Variants in METTL24 observed in about 807,000 individuals in gnomAD.
METTL24 encodes methyltransferase like 24.
A neutral mutation model predicts 32.7 loss-of-function variants in METTL24; 29 were observed. The observed-to-expected ratio is 0.89, with a 90% CI of 0.66 to 1.21. The LOEUF (loss-of-function observed/expected upper bound fraction) is 1.21, where lower values mean the gene tolerates loss of function less well. Ranked by LOEUF, METTL24 falls within the 50% of genes most tolerant of loss-of-function variation. The pLI is 0.00. For missense variants in METTL24, 439 were observed against 468.1 expected, an observed-to-expected ratio of 0.94 and a Z score of 0.57; for synonymous variants, 163 against 179.5, an observed-to-expected ratio of 0.91 and a Z score of 0.73.
intron 4 of METTL24, among the ~76,000 whole-genome samples, chr6:110,272,956 G>A (rs929999842): frequency 1.3e-5 from 2 of 151,754 alleles, no homozygotes; most frequent in Non-Finnish European, 2.9e-5. Flanking sequence ...TGTGCAGAAG[G>A]GTTTTAGTTT....
intron 4 of METTL24, among the ~76,000 whole-genome samples, chr6:110,295,264 G>A (rs1264342022): frequency 2.0e-5 from 3 of 152,054 alleles, no homozygotes; most frequent in African/African-American, 7.2e-5. Context: ...CCCCAGCTGT[G>A]TAATTTAATT....
chr6:110,292,885 C>T (rs114094993), intron 4 of METTL24, among the ~76,000 whole-genome samples: 2,825 of 151,930 alleles, frequency 0.019, 80 homozygotes, highest in African/African-American at 0.065. Flanking sequence ...TGAGATAGTG[C>T]CTTTATCATA....
At chr6:110,292,856 C>T (rs1455418886) in intron 4 of METTL24, among the ~76,000 whole-genome samples, 1 of 151,968 alleles carries the variant, frequency 6.6e-6, no homozygotes, top group East Asian at 1.9e-4. Context: ...ACTGACACAT[C>T]CATCTTTTCT....
chr6:110,252,150 C>T (rs1217712287), intron 4 of METTL24, among the ~76,000 whole-genome samples: 1 of 151,924 alleles, frequency 6.6e-6, no homozygotes, highest in African/African-American at 2.4e-5. Flanking sequence ...CCTTAAAAAA[C>T]AAAACAAAAA....
rs1245534536 is a variant in METTL24, at chr6:110,245,987, T to A, written c.1060A>T (p.Ser354Cys). Residue 354 changes from serine (S) to cysteine (C), a missense_variant, in exon 5 of 5, where the codon AGC becomes TGC. By Grantham distance (112) the Ser-to-Cys change is moderately radical. Coordinates refer to ENST00000338882, the MANE Select transcript of METTL24 (RefSeq NM_001123364.3). ...FLKKDIFNASSCYTLSWVNTR... is the reference protein window; with the variant it reads ...FLKKDIFNASCCYTLSWVNTR... ...TTCACCCAACTCAGAGTATAACAGC[T>A]ACTTGCATTGAAAATGTCTTTCTTC... The A allele has an allele frequency of 6.2e-7, 1 of 1,614,162 alleles. No homozygotes were observed. Among genetic ancestry groups the A allele is most frequent in the Non-Finnish European group, 8.5e-7 (1 of 1,180,016 alleles).
chr6:110,321,536 A>G (rs1175948363), intron 2 of METTL24, among the ~76,000 whole-genome samples: 1 of 152,226 alleles, frequency 6.6e-6, no homozygotes, highest in Admixed American at 6.5e-5. Flanking sequence ...CACAGTTAAA[A>G]GGTCCAGATT....
At chr6:110,327,987 G>A (rs1163757908) in intron 1 of METTL24, among the ~76,000 whole-genome samples, 1 of 152,216 alleles carries the variant, frequency 6.6e-6, no homozygotes, top group Non-Finnish European at 1.5e-5. Flanking sequence ...TTCCTCTTCA[G>A]ACAGGTAAAG....
chr6:110,276,263 A>T (rs572801533), intron 4 of METTL24, among the ~76,000 whole-genome samples: 1 of 152,228 alleles, frequency 6.6e-6, no homozygotes, highest in East Asian at 1.9e-4. Flanking sequence ...TGAGACCCTC[A>T]TCTCTACCAA....
chr6:110,324,660 T>C (rs1771987985), intron 1 of METTL24, among the ~76,000 whole-genome samples: 1 of 152,222 alleles, frequency 6.6e-6, no homozygotes, highest in African/African-American at 2.4e-5. Context: ...AAGAACAGCC[T>C]TTTCTTGTAG....
Position 110,315,257 on chromosome 6 carries a change from C to G in METTL24, c.557+85G>C. ...CATGGCACCTGTTACAAACTGCAAC[C>G]ATTTCTAACTTTGTATTGCTGAAAA... On this transcript the variant is annotated intron_variant, in intron 3 of 4. Coordinates refer to ENST00000338882, the MANE Select transcript of METTL24 (RefSeq NM_001123364.3). 1.3e-6 allele frequency: 2 copies of G among 1,500,782 alleles called. 1 individual carries two copies. Among genetic ancestry groups the G allele is most frequent in the South Asian group, 2.4e-5 (2 of 82,968 alleles). The allele number at this position is 1,500,782 out of a possible 1,614,324, so 93.0% of individuals were successfully genotyped here.
intron 1 of METTL24, among the ~76,000 whole-genome samples, chr6:110,339,658 T>C (rs924871859): frequency 4.6e-5 from 7 of 152,292 alleles, no homozygotes; most frequent in Middle Eastern, 3.4e-3. Flanking sequence ...CAACAAAAGA[T>C]TGGCAAACAA....
chr6:110,302,849 A>T (rs1357684682), intron 3 of METTL24, among the ~76,000 whole-genome samples: 3 of 152,172 alleles, frequency 2.0e-5, no homozygotes, highest in African/African-American at 7.2e-5. Flanking sequence ...AGAAGTATGT[A>T]AATTGAAAAG....
rs1778118478 is a variant in METTL24 at position 110,244,763 on chromosome 6, T to G, written c.*1183A>C. 6.6e-6 allele frequency among the ~76,000 whole-genome samples: 1 copy of G among 152,120 alleles called. No homozygotes were observed. The highest frequency in any genetic ancestry group is 1.5e-5 in the Non-Finnish European group (1 of 68,044). ...ATTCAATTACCTCTCACCAGGTCCC[T>G]CCCACAACACGTGGGGATTATGGGA... On this transcript the variant is annotated 3_prime_UTR_variant, in exon 5 of 5. Transcript: ENST00000338882.
intron 3 of METTL24, among the ~76,000 whole-genome samples, chr6:110,302,564 CACACATACACACACATATGTGTATATAT>C (rs1437812299): frequency 0.058 from 5,686 of 97,644 alleles, 419 homozygotes; most frequent in Middle Eastern, 0.083. Flanking sequence ...TGTATATATA[CACACATACACACACATATGTGTATATAT>C]ACACATATAC....
chr6:110,255,417 G>A (rs1722248094), intron 4 of METTL24, among the ~76,000 whole-genome samples: 1 of 152,032 alleles, frequency 6.6e-6, no homozygotes, highest in African/African-American at 2.4e-5. Context: ...CTGGTGACCA[G>A]CCAAGATGTC....
chr6:110,264,433 C>T (rs1474179110), intron 4 of METTL24, among the ~76,000 whole-genome samples: 1 of 152,118 alleles, frequency 6.6e-6, no homozygotes, highest in African/African-American at 2.4e-5. Flanking sequence ...TATCATCTCA[C>T]ACCAGTTAGA....
intron 4 of METTL24, among the ~76,000 whole-genome samples, chr6:110,285,772 A>G (rs557311008): frequency 6.6e-6 from 1 of 152,344 alleles, no homozygotes; most frequent in African/African-American, 2.4e-5. Flanking sequence ...GCAGGTAACT[A>G]CATGGGCTTA....
At chr6:110,254,189 A>T in intron 4 of METTL24, 1 of 346,328 alleles carries the variant, frequency 2.9e-6, no homozygotes, top group Non-Finnish European at 5.2e-6. Context: ...TTACAAACTG[A>T]TGTTATCAAC....
Position 110,322,874 on chromosome 6 carries a change from T to G in METTL24, c.319-2A>C. 2 of 1,607,666 alleles carry G rather than the reference T, an allele frequency of 1.2e-6. No homozygotes were observed. ...GAGATCTATATGCCACCGGGGACCCTGCAAGAGACAGAAAACATAGGTTGT... is the reference window on the plus strand; with the variant it reads ...GAGATCTATATGCCACCGGGGACCCGGCAAGAGACAGAAAACATAGGTTGT... On this transcript the variant is annotated splice_acceptor_variant, in intron 1 of 4. Transcript: ENST00000338882. LOFTEE classifies it high-confidence loss of function.
Sources: allele counts gnomAD v4.1 joint callset (sites outside exome capture counted in the v4.1 genomes callset), GRCh38; gene constraint gnomAD v4.1.1; transcripts MANE v1.5; gene names NCBI Gene and HGNC (gene_info 2026-07-23, HGNC 2026-07-21).